Variants in PTK2B observed in about 807,000 individuals in gnomAD.
PTK2B encodes protein-tyrosine kinase 2-beta.
PTK2B carries 71 observed loss-of-function variants against 142.9 expected under a neutral mutation model. The observed-to-expected ratio is 0.50, with a 90% CI of 0.41 to 0.61. The LOEUF (loss-of-function observed/expected upper bound fraction) is 0.61, where lower values mean the gene tolerates loss of function less well. PTK2B is among the 20% of genes least tolerant of loss of function. PTK2B has a pLI of 0.00. For synonymous variants in PTK2B, 519 were observed against 503.4 expected, an observed-to-expected ratio of 1.03 and a Z score of -0.42; for missense variants, 1,105 against 1,320.4, an observed-to-expected ratio of 0.84 and a Z score of 2.53.
At position 27,389,035 on chromosome 8, in the gene PTK2B, G is replaced by A. The variant is rs573099634; in HGVS notation, c.-37-8513G>A. On this transcript the variant is annotated intron_variant, in intron 1 of 30. Transcript: ENST00000346049. ...GGGTCACTTTTTCCTAAGATCCTGAGGCCCAGTAGGCAGGTTCTCTTCTGT... is the reference window on the plus strand; with the variant it reads ...GGGTCACTTTTTCCTAAGATCCTGAAGCCCAGTAGGCAGGTTCTCTTCTGT... 4.1e-4 allele frequency among the ~76,000 whole-genome samples: 63 copies of A among 152,240 alleles called. No homozygotes were observed. In the South Asian group the frequency reaches 0.013, roughly 31 times the overall value.
chr8:27,350,975 CAAAAA>C (rs1161040902), intron 1 of PTK2B, among the ~76,000 whole-genome samples: 2 of 2,346 alleles, frequency 8.5e-4, no homozygotes, highest in East Asian at 9.8e-3. Context: ...GTCTCCGTCT[CAAAAA>C]AAAAAAAAAA....
chr8:27,447,689 T>C (rs1409763720), intron 24 of PTK2B, among the ~76,000 whole-genome samples: 2 of 152,156 alleles, frequency 1.3e-5, no homozygotes, highest in Non-Finnish European at 2.9e-5. Flanking sequence ...CAAAACCCCA[T>C]CTGTACTAAA....
intron 1 of PTK2B, among the ~76,000 whole-genome samples, chr8:27,389,493 T>C (rs1238738409): frequency 6.6e-6 from 1 of 151,016 alleles, no homozygotes; most frequent in Admixed American, 6.6e-5. Flanking sequence ...GGAGGAGAGG[T>C]TCCTTTAGCA....
At chr8:27,325,000 C>T (rs1803328533), upstream of PTK2B, among the ~76,000 whole-genome samples, 3 of 152,206 alleles carry the variant, frequency 2.0e-5, no homozygotes, top group Non-Finnish European at 4.4e-5. Context: ...AGTCACAGCT[C>T]AGGGACCTGG....
chr8:27,373,180 C>T (rs1319501266), intron 1 of PTK2B, among the ~76,000 whole-genome samples: 1 of 152,158 alleles, frequency 6.6e-6, no homozygotes, highest in Non-Finnish European at 1.5e-5. Context: ...CAGGGTCCTG[C>T]CCCTGCCACA....
intron 1 of PTK2B, among the ~76,000 whole-genome samples, chr8:27,351,569 G>A (rs932213339): frequency 2.0e-5 from 3 of 151,934 alleles, no homozygotes; most frequent in Admixed American, 2.0e-4. Flanking sequence ...CTAGAACTGA[G>A]TTTCCAAAAA....
At chr8:27,438,994 G>A (rs1810979312) in intron 18 of PTK2B, 37 bp from the exon 19 acceptor site, 6 of 1,541,844 alleles carry the variant, frequency 3.9e-6, no homozygotes, top group South Asian at 3.3e-5. Flanking sequence ...ATGGGGGTGG[G>A]CAGTGCCTCA....
intron 28 of PTK2B, chr8:27,453,935 G>A (rs1470129973): frequency 1.7e-6 from 1 of 572,142 alleles, no homozygotes; most frequent in Non-Finnish European, 3.0e-6. Context: ...AGTCTGTTGT[G>A]AGGCTACCAC....
intron 1 of PTK2B, among the ~76,000 whole-genome samples, chr8:27,371,440 C>G (rs1806351318): frequency 6.6e-6 from 1 of 152,102 alleles, no homozygotes; most frequent in Admixed American, 6.5e-5. Flanking sequence ...TGTCTCAGCT[C>G]TACCATTTCT....
intron 30 of PTK2B, 99 bp from the exon 31 acceptor site, chr8:27,458,195 T>G: frequency 8.2e-7 from 1 of 1,222,656 alleles, no homozygotes; most frequent in African/African-American, 1.5e-5. Context: ...AACTTCTGAT[T>G]GCTTTGGCCA....
intron 1 of PTK2B, among the ~76,000 whole-genome samples, chr8:27,352,808 A>G (rs1264698820): frequency 2.6e-5 from 4 of 152,218 alleles, no homozygotes; most frequent in African/African-American, 9.6e-5. Flanking sequence ...GCCTTCTGCC[A>G]TAATTGTGAG....
intron 30 of PTK2B, among the ~76,000 whole-genome samples, chr8:27,456,742 A>G (rs921735834): frequency 6.6e-6 from 1 of 152,238 alleles, no homozygotes; most frequent in African/African-American, 2.4e-5. Flanking sequence ...GTGAATGCAA[A>G]GGAAAAGTTA....
Position 27,442,877 on chromosome 8 carries a change from A to T in PTK2B, c.2042A>T (p.Asp681Val). ...TTATCTGACGTGACTCCCTGCAGTG[A>T]CGTTTATCAGATGGAGAAGGACATT... ...RFTELVCSLS[D>V]VYQMEKDIAM... The change falls in exon 22 of 31, where the codon GAC (aspartate) becomes GTC (valine). Residue 681 changes from aspartate (D) to valine (V), a missense_variant and splice_region_variant. Asp to Val is a radical substitution (Grantham distance 152, BLOSUM62 -3). Coordinates refer to ENST00000346049, the MANE Select transcript of PTK2B (RefSeq NM_173176.3). 4 of 1,613,634 alleles carry T rather than the reference A, an allele frequency of 2.5e-6. No homozygotes were observed. Among genetic ancestry groups the T allele is most frequent in the Non-Finnish European group, 3.4e-6 (4 of 1,179,536 alleles).
intron 1 of PTK2B, among the ~76,000 whole-genome samples, chr8:27,356,917 G>A (rs1805424341): frequency 6.6e-6 from 1 of 152,192 alleles, no homozygotes; most frequent in Admixed American, 6.5e-5. Context: ...TGGCACGAAT[G>A]TGTCTAAAAG....
In PTK2B at chr8:27,374,170, T is replaced by G. The variant is rs150063373; in HGVS notation, c.-37-23378T>G. Among the ~76,000 whole-genome samples, 207 of 152,312 alleles carry G rather than the reference T, an allele frequency of 1.4e-3. 6 individuals carry two copies. In the East Asian group the frequency reaches 0.037, roughly 27 times the overall value. Reference sequence around the variant, plus strand: ...CTGCACATTGGGGCTTCTAAGTCTTTTTCATGTGCAGTGCACATAGACAAT... The same window carrying G: ...CTGCACATTGGGGCTTCTAAGTCTTGTTCATGTGCAGTGCACATAGACAAT... On this transcript the variant is annotated intron_variant, in intron 1 of 30. Transcript: ENST00000346049.
intron 1 of PTK2B, among the ~76,000 whole-genome samples, chr8:27,334,253 G>A (rs932910772): frequency 2.6e-5 from 4 of 152,088 alleles, no homozygotes; most frequent in African/African-American, 9.7e-5. Flanking sequence ...CCCAATGCCT[G>A]CAGGCAAATC....
intron 2 of PTK2B, among the ~76,000 whole-genome samples, chr8:27,403,340 A>G (rs577081565): frequency 1.4e-5 from 2 of 145,850 alleles, no homozygotes; most frequent in Non-Finnish European, 2.9e-5. Flanking sequence ...TTTCCAAAAC[A>G]TAGTTACTCC....
At chr8:27,368,605 C>T (rs554944231) in intron 1 of PTK2B, among the ~76,000 whole-genome samples, 1 of 152,256 alleles carries the variant, frequency 6.6e-6, no homozygotes, top group Non-Finnish European at 1.5e-5. Flanking sequence ...CTCCTGCTTA[C>T]ATGTGCAATC....
upstream of PTK2B, chr8:27,325,519 C>T (rs1803354604): frequency 6.6e-6 from 1 of 152,504 alleles, no homozygotes; most frequent in African/African-American, 2.4e-5. Context: ...TGGTTAACAA[C>T]TCAGAGGAGG....
Sources: gnomAD v4.1 joint callset for allele counts (sites outside exome capture counted in the v4.1 genomes callset) on GRCh38, gnomAD v4.1.1 for gene constraint, MANE v1.5 for transcripts, NCBI Gene and HGNC (gene_info 2026-07-23, HGNC 2026-07-21) for gene names.